CD53: variants seen among roughly 807,000 people sequenced by gnomAD.
CD53 encodes CD53 molecule.
A neutral mutation model predicts 27.3 loss-of-function variants in CD53; 20 were observed. The observed-to-expected ratio is 0.73, with a 90% CI of 0.52 to 1.07. CD53 has a LOEUF of 1.07. CD53 is among the 50% of genes least tolerant of loss of function. The probability of loss-of-function intolerance (pLI) is 0.00; values close to 1 mark genes in which losing one functional copy is unlikely to be tolerated. For synonymous variants in CD53, 106 were observed against 105.3 expected (o/e 1.01, Z -0.04); for missense variants, 216 against 264.0 (o/e 0.82, Z 1.26).
At chr1:110,874,856 A>C (rs1406034499) in intron 1 of CD53, among the ~76,000 whole-genome samples, 1 of 152,188 alleles carries the variant, frequency 6.6e-6, no homozygotes, top group Admixed American at 6.5e-5. Flanking sequence ...CTCTGACTGC[A>C]CAGAGGCCCT....
chr1:110,896,068 T>A (rs1657049788), intron 5 of CD53, among the ~76,000 whole-genome samples: 1 of 152,094 alleles, frequency 6.6e-6, no homozygotes, highest in African/African-American at 2.4e-5. Context: ...GGTCTCTCTA[T>A]TTATCTTTTA....
rs1656901487 is a variant in CD53, at chr1:110,892,615, C to T, written c.252+82C>T. 5 of 1,102,658 alleles carry T rather than the reference C, an allele frequency of 4.5e-6. No individual in the cohort carries two copies. The South Asian group carries it at 7.2e-5, about 16-fold the overall frequency. The allele number at this position is 1,102,658 out of a possible 1,614,324, so 68.3% of individuals were successfully genotyped here. A position where few individuals can be genotyped will look rare whatever the true frequency, so the allele number is the denominator to read the frequency against. On this transcript the variant is annotated intron_variant, in intron 3 of 7. Coordinates refer to ENST00000271324, the MANE Select transcript of CD53 (RefSeq NM_000560.4). ...AGGCAAGATGTTTCTTGGTAGATCA[C>T]TTATAGGCACAGAAAGATCATAGGA... is the stretch of plus-strand genomic sequence containing the variant.
At chr1:110,895,666 T>C (rs1657032032) in intron 5 of CD53, among the ~76,000 whole-genome samples, 1 of 152,214 alleles carries the variant, frequency 6.6e-6, no homozygotes, top group African/African-American at 2.4e-5. Context: ...TGGGTAGCCC[T>C]GGGGAAGTCA....
intron 1 of CD53, among the ~76,000 whole-genome samples, chr1:110,879,072 A>G (rs1459230051): frequency 6.6e-6 from 1 of 152,024 alleles, no homozygotes; most frequent in African/African-American, 2.4e-5. Flanking sequence ...ACCTCTTTTT[A>G]AAACGTATGA....
At chr1:110,878,547 A>AT (rs1656217174) in intron 1 of CD53, among the ~76,000 whole-genome samples, 1 of 152,116 alleles carries the variant, frequency 6.6e-6, no homozygotes, top group Non-Finnish European at 1.5e-5. Flanking sequence ...ACTTTTCTTT[A>AT]TTTTTTAAAT....
intron 1 of CD53, among the ~76,000 whole-genome samples, chr1:110,885,276 C>T (rs1342085725): frequency 6.6e-6 from 1 of 152,152 alleles, no homozygotes; most frequent in African/African-American, 2.4e-5. Flanking sequence ...TTTGGGCAGG[C>T]GCGGTGGCTC....
chr1:110,894,918 T>C, intron 4 of CD53, 42 bp from the exon 5 acceptor site: 7 of 1,490,136 alleles, frequency 4.7e-6, no homozygotes, highest in Non-Finnish European at 6.6e-6. Flanking sequence ...TGAACTCACC[T>C]GCTTTTTACC....
At chr1:110,881,266 C>G (rs1344109013) in intron 1 of CD53, among the ~76,000 whole-genome samples, 1 of 152,098 alleles carries the variant, frequency 6.6e-6, no homozygotes, top group Non-Finnish European at 1.5e-5. Flanking sequence ...CCTCCCCCAC[C>G]TTCATCCTCA....
intron 1 of CD53, among the ~76,000 whole-genome samples, chr1:110,875,558 G>T (rs188290812): frequency 6.6e-6 from 1 of 152,148 alleles, no homozygotes; most frequent in East Asian, 1.9e-4. Flanking sequence ...TTTGTTCTGC[G>T]TCCCTAGATT....
At chr1:110,899,014 G>C (rs990106665) in intron 7 of CD53, 110 bp from the exon 8 acceptor site, 2 of 731,896 alleles carry the variant, frequency 2.7e-6, no homozygotes, top group African/African-American at 3.5e-5. Context: ...GGTTGGAAGG[G>C]TGGTTTCAGT....
rs781609516 is a variant in CD53 at position 110,894,347 on chromosome 1, T to G, written c.273T>G (p.Ile91Met). The change falls in exon 4 of 8, where the codon ATT becomes ATG. Residue 91 changes from isoleucine (I) to methionine (M), a missense_variant. Transcript: ENST00000271324. ...LLMSFFILLLIILLAEVTLAI... is the reference protein window; with the variant it reads ...LLMSFFILLLMILLAEVTLAI... ...CCCAGTTCTTCATCCTGCTGCTGAT[T>G]ATCCTCCTTGCTGAGGTGACCTTGG... 1.9e-6 allele frequency: 3 copies of G among 1,614,102 alleles called. No homozygotes were observed.
intron 5 of CD53, among the ~76,000 whole-genome samples, chr1:110,895,857 T>C (rs1657039761): frequency 6.6e-6 from 1 of 152,198 alleles, no homozygotes; most frequent in Admixed American, 6.5e-5. Context: ...CGTTAGAATA[T>C]GTTAAAGCAA....
chr1:110,875,890 G>A (rs977964108), intron 1 of CD53, among the ~76,000 whole-genome samples: 2 of 152,196 alleles, frequency 1.3e-5, no homozygotes, highest in African/African-American at 4.8e-5. Context: ...GTAAAGGCCA[G>A]GAATCTCTAT....
In CD53 at chr1:110,897,803, T is replaced by G. The variant is rs1657128080; in HGVS notation, c.505-6T>G. ...TAGTATCATTTGTAACTGAAATGTC[T>G]TCTAGGGTTGCTATGCGAAAGCAAG... On this transcript the variant is annotated splice_polypyrimidine_tract_variant and splice_region_variant and intron_variant, in intron 6 of 7. Transcript: ENST00000271324. 2 of 1,578,296 alleles carry G rather than the reference T, an allele frequency of 1.3e-6. No homozygotes were observed. The highest frequency in any genetic ancestry group is 1.7e-6 in the Non-Finnish European group (2 of 1,148,292).
At position 110,899,597 on chromosome 1, in the gene CD53, C is replaced by T. The variant is rs144996987; in HGVS notation, c.*402C>T. ...CTTCTCCCCAAAGTCAAGCAAGAGA[C>T]TAGTTGAAGGGAGTTCTGGGGCCAG... On this transcript the variant is annotated 3_prime_UTR_variant, in exon 8 of 8. Coordinates refer to ENST00000271324, the MANE Select transcript of CD53 (RefSeq NM_000560.4). The T allele has an allele frequency of 4.0e-5, 7 of 176,036 alleles. No homozygotes were observed. The highest frequency in any genetic ancestry group is 3.0e-4 in the Admixed American group (5 of 16,742). The allele number at this position is 176,036 out of a possible 1,614,324, so 10.9% of individuals were successfully genotyped here. A position where few individuals can be genotyped will look rare whatever the true frequency, so the allele number is the denominator to read the frequency against.
chr1:110,876,381 A>C (rs1469616903), intron 1 of CD53, among the ~76,000 whole-genome samples: 3 of 152,226 alleles, frequency 2.0e-5, no homozygotes, highest in African/African-American at 7.2e-5. Context: ...AGTGCATTTT[A>C]ACATAAGCAA....
chr1:110,886,862 TATATA>T lies in CD53; in HGVS notation c.-17-4529_-17-4525del, dbSNP rs1414034833. The stretch of plus-strand genomic sequence containing the variant: ...TCTGTCTCCAATATATATATATATA[TATATA>T]TATTTTTTTTTTCTGTCTGTGTTTC... On this transcript the variant is annotated intron_variant, in intron 1 of 7. Coordinates refer to ENST00000271324, the MANE Select transcript of CD53 (RefSeq NM_000560.4). Among the ~76,000 whole-genome samples the T allele has an allele frequency of 2.9e-3, 221 of 77,014 alleles. 1 individual carries two copies. Among genetic ancestry groups the T allele is most frequent in the African/African-American group, 7.7e-3 (171 of 22,090 alleles). 50.5% of individuals were successfully genotyped at this position (77,014 alleles called of 152,430 possible).
At chr1:110,887,382 G>T (rs1011731478) in intron 1 of CD53, among the ~76,000 whole-genome samples, 11 of 152,100 alleles carry the variant, frequency 7.2e-5, no homozygotes, top group Admixed American at 5.2e-4. Context: ...TGAAAACATA[G>T]TATCTGGCTT....
intron 1 of CD53, among the ~76,000 whole-genome samples, chr1:110,885,651 T>A (rs911951751): frequency 6.6e-6 from 1 of 151,906 alleles, no homozygotes; most frequent in Admixed American, 6.6e-5. Flanking sequence ...TCACCTGAGG[T>A]CAGGAGTTCG....
Sources: gnomAD v4.1 joint callset for allele counts (sites outside exome capture counted in the v4.1 genomes callset) on GRCh38, gnomAD v4.1.1 for gene constraint, MANE v1.5 for transcripts, NCBI Gene and HGNC (gene_info 2026-07-23, HGNC 2026-07-21) for gene names.